The following MORN4 variants were observed in gnomAD, a reference collection of about 807,000 sequenced individuals.
MORN4 encodes the protein MORN repeat containing 4.
MORN4 carries 8 observed loss-of-function variants against 16.4 expected under a neutral mutation model. The observed-to-expected ratio is 0.49, with a 90% CI of 0.29 to 0.88. The LOEUF is 0.88. Among genes scored for constraint, MORN4 ranks in the 40% least tolerant of loss-of-function variants. MORN4 has a pLI of 0.09. For synonymous variants in MORN4, 53 were observed against 68.9 expected, an observed-to-expected ratio of 0.77 and a Z score of 1.14; for missense variants, 159 against 182.9, an observed-to-expected ratio of 0.87 and a Z score of 0.75.
chr10:97,633,498 A>T lies in MORN4; in HGVS notation c.-182T>A. ...TGACGCCGCCATCCTGGGCGACCGC[A>T]CTGGGTACAATTCCCGCTGCCCATT... On this transcript the variant is annotated 5_prime_UTR_variant, in exon 1 of 5. Transcript: ENST00000307450. This position sits in a 1 kb window ranked among gnomAD's most constrained non-coding sequence, Gnocchi z 4.5. The T allele has an allele frequency of 3.1e-6, 4 of 1,289,794 alleles. No homozygotes were observed. Among genetic ancestry groups the T allele is most frequent in the Admixed American group, 2.3e-5 (1 of 43,574 alleles). 79.9% of individuals were successfully genotyped at this position (1,289,794 alleles called of 1,614,324 possible).
chr10:97,631,676 G>A (rs1194096515), intron 1 of MORN4, among the ~76,000 whole-genome samples: 1 of 151,818 alleles, frequency 6.6e-6, no homozygotes, highest in East Asian at 1.9e-4. Flanking sequence ...GCTCACTCCT[G>A]TAATCCCAGC....
At chr10:97,626,449 TTCTC>T (rs769590568) in intron 1 of MORN4, among the ~76,000 whole-genome samples, 88 of 150,276 alleles carry the variant, frequency 5.9e-4, no homozygotes, top group Non-Finnish European at 9.8e-4. Flanking sequence ...CTGATGCTTG[TTCTC>T]TCTCTTTTTT....
chr10:97,632,216 T>A (rs1343850240), intron 1 of MORN4, among the ~76,000 whole-genome samples: 3 of 134,186 alleles, frequency 2.2e-5, no homozygotes, highest in Non-Finnish European at 4.7e-5. Flanking sequence ...ACTCCCCTTT[T>A]TTTTTTTTTT....
intron 2 of MORN4, among the ~76,000 whole-genome samples, chr10:97,618,258 C>CTTTTTTTTTTTTTT (rs1192502394): frequency 2.2e-5 from 2 of 92,820 alleles, no homozygotes; most frequent in East Asian, 3.6e-4. Context: ...AGCCTCTCTT[C>CTTTTTTTTTTTTTT]TTTTTTTTTT....
rs35892196 is a variant in MORN4 at position 97,629,925 on chromosome 10, A to AT, written c.-31+3421dup. On this transcript the variant is annotated intron_variant, in intron 1 of 4. Transcript: ENST00000307450. ...AGGTGCTCGCCACCACGCCCAGCTA[A>AT]TTTTTTTTTTTTTTTTTTTGAGACG... Among the ~76,000 whole-genome samples the AT allele has an allele frequency of 4.7e-3, 593 of 126,362 alleles. 2 individuals carry two copies. The highest frequency in any genetic ancestry group is 6.8e-3 in the Non-Finnish European group (417 of 61,232). The allele number at this position is 126,362 out of a possible 152,430, so 82.9% of individuals were successfully genotyped here.
At chr10:97,630,696 T>C (rs552229495) in intron 1 of MORN4, among the ~76,000 whole-genome samples, 108 of 152,366 alleles carry the variant, frequency 7.1e-4, no homozygotes, top group African/African-American at 2.5e-3. Flanking sequence ...ATTGTCACTA[T>C]TTGGGACAGT....
At chr10:97,621,349 A>C (rs2041291599) in intron 1 of MORN4, among the ~76,000 whole-genome samples, 1 of 152,144 alleles carries the variant, frequency 6.6e-6, no homozygotes, top group Non-Finnish European at 1.5e-5. Context: ...TTTACAGCAT[A>C]TGAGGGAGGA....
intron 2 of MORN4, 48 bp downstream of exon 2, chr10:97,619,539 C>T: frequency 1.4e-6 from 2 of 1,379,826 alleles, no homozygotes; most frequent in East Asian, 2.3e-5. Context: ...ATTTGTCCTC[C>T]AGCAAATGAA....
chr10:97,633,460 C>T lies in MORN4; in HGVS notation c.-144G>A, dbSNP rs768375503. 2.9e-5 allele frequency: 37 copies of T among 1,289,770 alleles called. No homozygotes were observed. The highest frequency in any genetic ancestry group is 3.6e-5 in the Non-Finnish European group (36 of 988,898). The allele number at this position is 1,289,770 out of a possible 1,614,324, so 79.9% of individuals were successfully genotyped here. On this transcript the variant is annotated 5_prime_UTR_variant, in exon 1 of 5. Transcript: ENST00000307450. This position sits in a 1 kb window ranked among gnomAD's most constrained non-coding sequence, Gnocchi z 4.5. The stretch of plus-strand genomic sequence containing the variant: ...CCTTGCTCTCCGCCACCTCCACCAG[C>T]GATTGCCCCACTTGACGCCGCCATC...
intron 4 of MORN4, 118 bp from the exon 5 acceptor site, chr10:97,616,529 C>A (rs1238577544): frequency 2.3e-6 from 3 of 1,303,568 alleles, no homozygotes; most frequent in East Asian, 4.7e-5. Context: ...CAGCTCTACT[C>A]AGGAGTACTC....
chr10:97,620,830 A>C (rs1393892843), intron 1 of MORN4, among the ~76,000 whole-genome samples: 1 of 152,024 alleles, frequency 6.6e-6, no homozygotes, highest in East Asian at 1.9e-4. Context: ...AAAATTAAAA[A>C]ACAAAAAATA....
At chr10:97,618,787 GTTTT>G (rs374979684) in intron 2 of MORN4, among the ~76,000 whole-genome samples, 1 of 133,540 alleles carries the variant, frequency 7.5e-6, no homozygotes, top group African/African-American at 2.8e-5. Flanking sequence ...GATACTGGTT[GTTTT>G]TTTTTTTTTT....
At position 97,619,760 on chromosome 10, in the gene MORN4, C is replaced by T. The variant is rs115848623; in HGVS notation, c.-30-77G>A. On this transcript the variant is annotated intron_variant, in intron 1 of 4. Coordinates refer to ENST00000307450, the MANE Select transcript of MORN4 (RefSeq NM_178832.4). ...GGACTGCAAGGCAATTTTATAGATA[C>T]ATTCTAAAGGCCACCAGCCTGGTAA... 615 of 1,168,386 alleles carry T rather than the reference C, an allele frequency of 5.3e-4. 5 individuals carry two copies. In the African/African-American group the frequency reaches 7.9e-3, roughly 15 times the overall value. The allele number at this position is 1,168,386 out of a possible 1,614,324, so 72.4% of individuals were successfully genotyped here. A position where few individuals can be genotyped will look rare whatever the true frequency, so the allele number is the denominator to read the frequency against.
At chr10:97,616,577 A>G (rs2041238353) in intron 4 of MORN4, 101 bp downstream of exon 4, 7 of 1,244,226 alleles carry the variant, frequency 5.6e-6, no homozygotes, top group Non-Finnish European at 8.1e-6. Context: ...AGGGACGGCC[A>G]CTATGGATTG....
At chr10:97,627,824 C>T (rs143454559) in intron 1 of MORN4, among the ~76,000 whole-genome samples, 2,333 of 152,292 alleles carry the variant, frequency 0.015, 35 homozygotes, top group Admixed American at 0.029. Context: ...TTTTCTGAGA[C>T]GTGATGCTGG....
At chr10:97,634,116 C>T (rs970129538), upstream of MORN4, among the ~76,000 whole-genome samples, 1 of 152,006 alleles carries the variant, frequency 6.6e-6, no homozygotes, top group Non-Finnish European at 1.5e-5. Context: ...GCCTGGGCAA[C>T]GCAGGGAGAC....
chr10:97,624,986 C>T (rs573838395), intron 1 of MORN4, among the ~76,000 whole-genome samples: 1 of 152,290 alleles, frequency 6.6e-6, no homozygotes, highest in South Asian at 2.1e-4. Flanking sequence ...AGTCACCGCA[C>T]ACGGCATGAG....
chr10:97,633,561 C>T (rs2041416621), upstream of MORN4: 1 of 1,289,798 alleles, frequency 7.8e-7, no homozygotes, highest in African/African-American at 1.5e-5. This position sits in a 1 kb window ranked among gnomAD's most constrained non-coding sequence, Gnocchi z 4.5. Context: ...CGCCACTCCG[C>T]ATTGGCCCAG....
At chr10:97,633,656 A>G (rs1038803411), upstream of MORN4, 38 of 1,267,550 alleles carry the variant, frequency 3.0e-5, no homozygotes, top group Admixed American at 7.6e-4. The surrounding 1 kb of genome is among the most constrained non-coding windows in gnomAD (Gnocchi z 4.5). Flanking sequence ...CCACCTCTGC[A>G]ACGCAGATAA....
Sources: gnomAD v4.1 joint callset for allele counts (sites outside exome capture counted in the v4.1 genomes callset) on GRCh38, gnomAD v4.1.1 for gene constraint, Gnocchi (gnomAD v3.1) non-coding constraint, MANE v1.5 for transcripts, NCBI Gene and HGNC (gene_info 2026-07-23, HGNC 2026-07-21) for gene names.